SRPK2: variants seen among roughly 807,000 people sequenced by gnomAD.
SRPK2 encodes the protein SRSF protein kinase 2.
Under a neutral mutation model 90.8 loss-of-function variants are expected in SRPK2, and 21 were observed. The observed-to-expected ratio is 0.23, with a 90% confidence interval of 0.16 to 0.33. The LOEUF (loss-of-function observed/expected upper bound fraction) is 0.33. Ranked by LOEUF, SRPK2 falls within the 10% of genes least tolerant of loss-of-function variation. The probability of loss-of-function intolerance (pLI) is 1.00; values close to 1 mark genes in which losing one functional copy is unlikely to be tolerated. For synonymous variants in SRPK2, 288 were observed against 311.1 expected (o/e 0.93, Z 0.78); for missense variants, 620 against 869.0 (o/e 0.71, Z 3.60).
chr7:105,303,313 G>A (rs1043038511), intron 2 of SRPK2, among the ~76,000 whole-genome samples: 8 of 152,056 alleles, frequency 5.3e-5, no homozygotes, highest in East Asian at 1.9e-4. Context: ...AGGGCCTGTC[G>A]TGGGGTGGGA....
chr7:105,359,491 G>A (rs866335548), intron 2 of SRPK2, among the ~76,000 whole-genome samples: 1 of 152,006 alleles, frequency 6.6e-6, no homozygotes, highest in African/African-American at 2.4e-5. Context: ...TCATCATAAA[G>A]GTCTCCATGC....
chr7:105,231,628 C>T (rs1304549510), intron 2 of SRPK2, among the ~76,000 whole-genome samples: 1 of 152,228 alleles, frequency 6.6e-6, no homozygotes, highest in East Asian at 1.9e-4. Context: ...TGAGATAATA[C>T]TTCACTGTGG....
chr7:105,328,093 G>T (rs1219298449), intron 2 of SRPK2, among the ~76,000 whole-genome samples: 2 of 152,128 alleles, frequency 1.3e-5, no homozygotes, highest in African/African-American at 4.8e-5. Flanking sequence ...GTTTCCTCTA[G>T]AAGATACCAA....
In SRPK2 at chr7:105,196,456, G is replaced by A. The variant is rs932210024; in HGVS notation, c.229+7172C>T. Among the ~76,000 whole-genome samples, 5 of 152,318 alleles carry A rather than the reference G, an allele frequency of 3.3e-5. No individual in the cohort carries two copies. The Middle Eastern group carries it at 0.014, about 414-fold the overall frequency. Reference sequence around the variant, plus strand: ...GGCAGAGATTTTCCATCTGGGCACTGCTGACATTAGGAGCTGAGTAATTTC... The same window carrying A: ...GGCAGAGATTTTCCATCTGGGCACTACTGACATTAGGAGCTGAGTAATTTC... On this transcript the variant is annotated intron_variant, in intron 3 of 15. Coordinates refer to ENST00000393651, the MANE Select transcript of SRPK2 (RefSeq NM_182692.3).
At chr7:105,175,958 G>T (rs1408986245) in intron 3 of SRPK2, among the ~76,000 whole-genome samples, 1 of 151,978 alleles carries the variant, frequency 6.6e-6, no homozygotes, top group African/African-American at 2.4e-5. Context: ...TAAAAAAAGA[G>T]GAAATACTTC....
At chr7:105,242,652 CAT>C (rs527803269) in intron 2 of SRPK2, among the ~76,000 whole-genome samples, 116 of 152,304 alleles carry the variant, frequency 7.6e-4, no homozygotes, top group African/African-American at 2.5e-3. Flanking sequence ...TGCATGCACA[CAT>C]GTCTAATCTG....
chr7:105,120,515 A>T (rs1472396877), intron 15 of SRPK2, among the ~76,000 whole-genome samples: 1 of 152,220 alleles, frequency 6.6e-6, no homozygotes, highest in Non-Finnish European at 1.5e-5. Context: ...GAGCAGTAAA[A>T]TATCTAACTA....
intron 3 of SRPK2, among the ~76,000 whole-genome samples, chr7:105,193,901 A>G (rs578033960): frequency 6.6e-6 from 1 of 152,328 alleles, no homozygotes; most frequent in East Asian, 1.9e-4. Flanking sequence ...TTTTATGTGT[A>G]CGATTCCCTG....
chr7:105,146,732 C>T, intron 7 of SRPK2, 74 bp from the exon 8 acceptor site: 1 of 1,447,992 alleles, frequency 6.9e-7, no homozygotes, highest in Non-Finnish European at 9.5e-7. Context: ...ATTTGAAAAA[C>T]ATGTAATACA....
chr7:105,323,199 A>C (rs1025778371), intron 2 of SRPK2, among the ~76,000 whole-genome samples: 1 of 152,220 alleles, frequency 6.6e-6, no homozygotes, highest in East Asian at 1.9e-4. Flanking sequence ...AAAAAGAAAA[A>C]AAAAGTCCTA....
intron 2 of SRPK2, among the ~76,000 whole-genome samples, chr7:105,307,800 G>A (rs1304503549): frequency 6.6e-6 from 1 of 151,954 alleles, no homozygotes; most frequent in Non-Finnish European, 1.5e-5. Context: ...AATAACATAC[G>A]CTTTATCTTT....
intron 2 of SRPK2, among the ~76,000 whole-genome samples, chr7:105,291,064 AAGAAAT>A (rs1228237098): frequency 6.6e-6 from 1 of 151,034 alleles, no homozygotes; most frequent in Non-Finnish European, 1.5e-5. Context: ...AAAAAAAAAA[AAGAAAT>A]GAAGACTGGG....
chr7:105,168,745 ATGTGTGTGTGTGTGTGTGTGTG>A (rs58073613), intron 4 of SRPK2, among the ~76,000 whole-genome samples: 44 of 104,082 alleles, frequency 4.2e-4, no homozygotes, highest in African/African-American at 1.3e-3. Flanking sequence ...CACGCACCAA[ATGTGTGTGTGTGTGTGTGTGTG>A]TGTGTGTGTG....
At chr7:105,243,650 A>G (rs924103115) in intron 2 of SRPK2, among the ~76,000 whole-genome samples, 1 of 104,114 alleles carries the variant, frequency 9.6e-6, no homozygotes, top group African/African-American at 3.9e-5. Context: ...AAAAAAAAAA[A>G]CCACATGCCA....
chr7:105,176,755 G>A (rs925455192), intron 3 of SRPK2, among the ~76,000 whole-genome samples: 4 of 150,262 alleles, frequency 2.7e-5, no homozygotes, highest in Admixed American at 1.3e-4. Flanking sequence ...GTATATGTGT[G>A]TGTGTGTGTG....
intron 3 of SRPK2, among the ~76,000 whole-genome samples, chr7:105,195,223 G>T (rs1207720454): frequency 1.3e-5 from 2 of 151,854 alleles, no homozygotes; most frequent in Non-Finnish European, 2.9e-5. Flanking sequence ...CTAATTTTTT[G>T]TATCTTTAGT....
intron 3 of SRPK2, among the ~76,000 whole-genome samples, chr7:105,181,880 G>GT (rs1480460921): frequency 1.0e-4 from 7 of 67,550 alleles, no homozygotes; most frequent in South Asian, 4.7e-4. Flanking sequence ...TAAGATAAAA[G>GT]TAAAAAAAAA....
chr7:105,254,339 G>T (rs1229833903), intron 2 of SRPK2, among the ~76,000 whole-genome samples: 1 of 152,218 alleles, frequency 6.6e-6, no homozygotes, highest in Non-Finnish European at 1.5e-5. Flanking sequence ...AAGTGAGGGT[G>T]TAAGTTAAAA....
chr7:105,319,862 T>C (rs1364480945), intron 2 of SRPK2, among the ~76,000 whole-genome samples: 4 of 148,810 alleles, frequency 2.7e-5, no homozygotes, highest in Non-Finnish European at 4.5e-5. Context: ...TTCCCCCCCT[T>C]TTTTTTTTTT....
Sources: gnomAD v4.1 joint callset for allele counts (sites outside exome capture counted in the v4.1 genomes callset) on GRCh38, gnomAD v4.1.1 for gene constraint, MANE v1.5 for transcripts, NCBI Gene and HGNC (gene_info 2026-07-23, HGNC 2026-07-21) for gene names.